CASK: variants seen among roughly 807,000 people sequenced by gnomAD.
CASK encodes calcium/calmodulin dependent serine protein kinase, also known as peripheral plasma membrane protein CASK.
A neutral mutation model predicts 82.9 loss-of-function variants in CASK; 4 were observed. The observed-to-expected ratio is 0.05, with a 90% CI of 0.02 to 0.11. The LOEUF is 0.11. Ranked by LOEUF, CASK falls within the 10% of genes least tolerant of loss-of-function variation. The probability of loss-of-function intolerance (pLI) is 1.00; values close to 1 mark genes in which losing one functional copy is unlikely to be tolerated. For synonymous variants in CASK, 259 were observed against 253.5 expected (o/e 1.02, Z -0.20); for missense variants, 358 against 720.9 (o/e 0.50, Z 5.76).
At chrX:41,755,129 G>C (rs1215807858) in intron 3 of CASK, among the ~76,000 whole-genome samples, 2 of 110,612 alleles carry the variant, frequency 1.8e-5, no homozygotes, top group African/African-American at 3.3e-5. Context: ...TGCCTGCCTC[G>C]GCCTCCCAAA....
intron 5 of CASK, among the ~76,000 whole-genome samples, chrX:41,738,997 T>C (rs2068550042): frequency 8.9e-6 from 1 of 112,405 alleles, no homozygotes; most frequent in Non-Finnish European, 1.9e-5. Context: ...CTATTCTGCA[T>C]TGCAATATTA....
intron 2 of CASK, among the ~76,000 whole-genome samples, chrX:41,790,465 C>T (rs1260480651): frequency 1.8e-5 from 2 of 111,882 alleles, no homozygotes; most frequent in Non-Finnish European, 3.8e-5. Context: ...TTCTGCCACA[C>T]ATTTGGCTCC....
At chrX:41,714,615 G>A (rs1260247957) in intron 5 of CASK, among the ~76,000 whole-genome samples, 6 of 111,518 alleles carry the variant, frequency 5.4e-5, no homozygotes, top group Admixed American at 9.5e-5. Flanking sequence ...CTTTGTCAGC[G>A]TTTACTGGGG....
In CASK at chrX:41,923,341, G is replaced by A. The variant is rs1280412594; in HGVS notation, c.-353C>T. ...CCGCTCGTCAGCCCGCGCGGGCCGC[G>A]AGGCCGCGACCGCTCCCTCTGTCCG... On this transcript the variant is annotated 5_prime_UTR_variant, in exon 1 of 27. Coordinates refer to ENST00000378163, the MANE Select transcript of CASK (RefSeq NM_001367721.1). The A allele has an allele frequency of 1.8e-5, 2 of 109,500 alleles. No homozygotes were observed. Among genetic ancestry groups the A allele is most frequent in the Non-Finnish European group, 3.8e-5 (2 of 52,019 alleles). The allele number at this position is 109,500 out of a possible 1,213,427, so 9.0% of individuals were successfully genotyped here.
At chrX:41,644,597 T>C (rs1354899415) in intron 8 of CASK, among the ~76,000 whole-genome samples, 2 of 112,302 alleles carry the variant, frequency 1.8e-5, no homozygotes, top group African/African-American at 6.5e-5. Flanking sequence ...ACAGCAATTG[T>C]TCAAGGAATA....
At chrX:41,819,582 A>C (rs1340789973) in intron 2 of CASK, among the ~76,000 whole-genome samples, 1 of 111,541 alleles carries the variant, frequency 9.0e-6, no homozygotes, top group Non-Finnish European at 1.9e-5. Context: ...TAATGAGCTA[A>C]TTATATGAGA....
At position 41,589,524 on chromosome X, in the gene CASK, T is replaced by C. The variant is rs1555989321; in HGVS notation, c.1224A>G (p.Arg408=). Residue 408 remains arginine, a synonymous_variant, in exon 13 of 27, where the codon AGA becomes AGG. Coordinates refer to ENST00000378163, the MANE Select transcript of CASK (RefSeq NM_001367721.1). ...IRNPPSDAVQ[R]AKEVLEEISC... ...AAAATATATCACTTACCTCTTTGGCTCTCTGTACTGCATCGCTTGGAGGAT... is the reference window on the plus strand; with the variant it reads ...AAAATATATCACTTACCTCTTTGGCCCTCTGTACTGCATCGCTTGGAGGAT... The C allele has an allele frequency of 1.7e-6, 2 of 1,191,119 alleles. No homozygotes were observed. Among genetic ancestry groups the C allele is most frequent in the Non-Finnish European group, 2.3e-6 (2 of 876,709 alleles).
At chrX:41,575,170 C>T (rs1001566086) in intron 15 of CASK, among the ~76,000 whole-genome samples, 5 of 112,205 alleles carry the variant, frequency 4.5e-5, no homozygotes, top group African/African-American at 6.5e-5. Context: ...CTAACATTAA[C>T]GTGAATTTAC....
Position 41,520,593 on chromosome X carries a change from C to G in CASK, c.2608G>C (p.Glu870Gln). 1 of 1,202,231 alleles carries G rather than the reference C, an allele frequency of 8.3e-7. No homozygotes were observed. ...PTITPGLNED[E>Q]SLQRLQKESD... is the part of the protein sequence containing the mutation. ...TCCTTCTGCAGACGCTGAAGAGATT[C>G]ATCCTAAATGGTGATGAGATGGAGG... The change falls in exon 27 of 27, where the codon GAA becomes CAA. Residue 870 changes from glutamate (E) to glutamine (Q), a missense_variant. Transcript: ENST00000378163.
intron 1 of CASK, among the ~76,000 whole-genome samples, chrX:41,902,584 G>A (rs1373961373): frequency 8.9e-6 from 1 of 112,226 alleles, no homozygotes; most frequent in African/African-American, 3.2e-5. Context: ...CTTTTACCAT[G>A]TAAAGTAACA....
intron 4 of CASK, among the ~76,000 whole-genome samples, chrX:41,743,988 T>G (rs1569428843): frequency 9.2e-6 from 1 of 109,147 alleles, no homozygotes; most frequent in Non-Finnish European, 1.9e-5. Flanking sequence ...GCGCATCCTG[T>G]AATCCCAGCT....
intron 1 of CASK, 128 bp downstream of exon 1, chrX:41,922,802 T>C (rs1569483707): frequency 1.7e-6 from 1 of 584,170 alleles, no homozygotes; most frequent in African/African-American, 2.3e-5. Context: ...TACTCCAGGA[T>C]GAGAAGGACG....
intron 1 of CASK, among the ~76,000 whole-genome samples, chrX:41,857,269 T>C (rs910531302): frequency 1.8e-5 from 2 of 110,990 alleles, no homozygotes; most frequent in African/African-American, 6.6e-5. Context: ...ACTTACTAGA[T>C]ACTAGTAGCA....
At chrX:41,653,046 C>T (rs142109025) in intron 8 of CASK, among the ~76,000 whole-genome samples, 1 of 112,311 alleles carries the variant, frequency 8.9e-6, no homozygotes, top group East Asian at 2.8e-4. Context: ...TTAGAGAATA[C>T]CCAGCAGCAG....
chrX:41,897,365 T>C (rs1466884379), intron 1 of CASK, among the ~76,000 whole-genome samples: 2 of 112,116 alleles, frequency 1.8e-5, no homozygotes, highest in Admixed American at 1.9e-4. Flanking sequence ...GAGATGATCA[T>C]ATGGTTTTTG....
At chrX:41,595,962 T>C (rs1407023091) in intron 12 of CASK, among the ~76,000 whole-genome samples, 1 of 111,425 alleles carries the variant, frequency 9.0e-6, no homozygotes, top group East Asian at 2.8e-4. Flanking sequence ...TGTTAAAGAA[T>C]GTCAGGATTC....
intron 20 of CASK, 67 bp from the exon 21 acceptor site, chrX:41,553,982 A>G (rs762973402): frequency 9.3e-6 from 7 of 751,813 alleles, no homozygotes; most frequent in Admixed American, 4.7e-5. Flanking sequence ...CTCTAATGTC[A>G]TAACCACACA....
intron 8 of CASK, among the ~76,000 whole-genome samples, chrX:41,637,050 C>G (rs2066567168): frequency 9.0e-6 from 1 of 110,969 alleles, no homozygotes; most frequent in Non-Finnish European, 1.9e-5. Flanking sequence ...CCTCAAACCC[C>G]TGGGCTCAAA....
chrX:41,708,116 C>CAAAA (rs774468294), intron 5 of CASK, among the ~76,000 whole-genome samples: 1 of 31,677 alleles, frequency 3.2e-5, no homozygotes, highest in Non-Finnish European at 6.1e-5. Context: ...GACTCCATCT[C>CAAAA]AAAAAAAAAA....
Sources: allele counts gnomAD v4.1 joint callset (sites outside exome capture counted in the v4.1 genomes callset), GRCh38; gene constraint gnomAD v4.1.1; transcripts MANE v1.5; gene names NCBI Gene and HGNC (gene_info 2026-07-23, HGNC 2026-07-21).